BAIAP2L2: variants seen among roughly 807,000 people sequenced by gnomAD.
BAIAP2L2 encodes BAR/IMD domain containing adaptor protein 2 like 2.
BAIAP2L2 carries 65 observed loss-of-function variants against 60.4 expected under a neutral mutation model. That is an observed-to-expected ratio of 1.08 (90% CI 0.88 to 1.32). The LOEUF (loss-of-function observed/expected upper bound fraction) is 1.32. BAIAP2L2 is among the 40% of genes most tolerant of loss of function. The pLI is 0.00. For synonymous variants in BAIAP2L2, 344 were observed against 301.7 expected, an observed-to-expected ratio of 1.14 and a Z score of -1.45; for missense variants, 836 against 741.2, an observed-to-expected ratio of 1.13 and a Z score of -1.48.
rs767211106 is a variant in BAIAP2L2, at chr22:38,087,218, G to GC, written c.1164dup (p.Pro389AlafsTer44). ...GTCACGGGGGTCATGGGATTCACGG[G>GC]CCCCTCCTCCAGAGCCTTCACGTAC... is the stretch of plus-strand genomic sequence containing the variant. On this transcript the variant is annotated frameshift_variant, in exon 11 of 14. Transcript: ENST00000381669. LOFTEE classifies it high-confidence loss of function. 1 of 1,605,694 alleles carries GC rather than the reference G, an allele frequency of 6.2e-7. No homozygotes were observed. Among genetic ancestry groups the GC allele is most frequent in the East Asian group, 2.3e-5 (1 of 44,060 alleles).
chr22:38,109,345 A>C (rs1004796024), intron 1 of BAIAP2L2, 137 bp from the exon 2 acceptor site: 2 of 679,850 alleles, frequency 2.9e-6, no homozygotes, highest in Non-Finnish European at 5.1e-6. Flanking sequence ...TGGGGGGCCC[A>C]TCTACAAACC....
chr22:38,097,413 T>C (rs763103977), intron 6 of BAIAP2L2, among the ~76,000 whole-genome samples: 2 of 152,220 alleles, frequency 1.3e-5, no homozygotes, highest in Admixed American at 1.3e-4. Context: ...GCAGGGCTGC[T>C]GTCTGAGCCT....
chr22:38,097,625 A>G (rs2086468122), intron 6 of BAIAP2L2, among the ~76,000 whole-genome samples: 1 of 152,170 alleles, frequency 6.6e-6, no homozygotes, highest in East Asian at 1.9e-4. Context: ...TGGATCTTGG[A>G]GACAGAGGCC....
At chr22:38,110,730 C>T (rs543079911), upstream of BAIAP2L2, 28 of 551,122 alleles carry the variant, frequency 5.1e-5, no homozygotes, top group South Asian at 1.4e-4. Context: ...TGATCTGGGG[C>T]GTAACCAGAT....
chr22:38,109,083 G>GGGGGGGGGGGGGGGGGGGGGGGGGA, intron 2 of BAIAP2L2, 50 bp downstream of exon 2: 1 of 1,209,622 alleles, frequency 8.3e-7, no homozygotes, highest in East Asian at 4.8e-5. Context: ...GGGTGGGTGG[G>GGGGGGGGGGGGGGGGGGGGGGGGGA]AACAGCAGAG....
chr22:38,087,900 C>CA (rs1555962605), intron 10 of BAIAP2L2, among the ~76,000 whole-genome samples: 36 of 151,472 alleles, frequency 2.4e-4, no homozygotes, highest in Non-Finnish European at 5.0e-4. Context: ...ACCCCCCCCC[C>CA]GCCATTTAAG....
rs2086667562 is a variant in BAIAP2L2 at position 38,106,522 on chromosome 22, A to G, written c.276+1330T>C. ...ACGACAGAGCAAGACTCCGTCTCAA[A>G]AAAATTAAAAAAAAAAAAAAAAAAA... On this transcript the variant is annotated intron_variant, in intron 4 of 13. Transcript: ENST00000381669. Among the ~76,000 whole-genome samples the G allele has an allele frequency of 2.4e-5, 3 of 122,618 alleles. No individual in the cohort carries two copies. The South Asian group carries it at 1.1e-3, about 43-fold the overall frequency. 80.4% of individuals were successfully genotyped at this position (122,618 alleles called of 152,430 possible).
chr22:38,106,538 A>G (rs2086668490), intron 4 of BAIAP2L2, among the ~76,000 whole-genome samples: 1 of 151,420 alleles, frequency 6.6e-6, no homozygotes, highest in African/African-American at 2.4e-5. Flanking sequence ...TAAAAAAAAA[A>G]AAAAAAAAAA....
rs112009033 is a variant in BAIAP2L2 at position 38,107,458 on chromosome 22, C to T, written c.276+394G>A. Reference sequence around the variant, plus strand: ...ACTGAGAAGCCTGTGTTCAGTTCTACGGGCAGTGGGGCCGTGGAACGGTTC... The same window carrying T: ...ACTGAGAAGCCTGTGTTCAGTTCTATGGGCAGTGGGGCCGTGGAACGGTTC... On this transcript the variant is annotated intron_variant, in intron 4 of 13. Transcript: ENST00000381669. Among the ~76,000 whole-genome samples, 561 of 152,190 alleles carry T rather than the reference C, an allele frequency of 3.7e-3. 1 individual carries two copies. The highest frequency in any genetic ancestry group is 0.012 in the African/African-American group (515 of 41,506).
At chr22:38,092,480 T>A (rs1028476260) in intron 7 of BAIAP2L2, among the ~76,000 whole-genome samples, 1 of 152,144 alleles carries the variant, frequency 6.6e-6, no homozygotes, top group Non-Finnish European at 1.5e-5. Context: ...TTTCACCATG[T>A]TGGCCAGGCT....
chr22:38,100,622 G>C (rs1403847507), intron 4 of BAIAP2L2, among the ~76,000 whole-genome samples: 1 of 152,086 alleles, frequency 6.6e-6, no homozygotes, highest in Non-Finnish European at 1.5e-5. Context: ...GCCATGTGAC[G>C]CACCTGTTAC....
chr22:38,086,316 T>TG lies in BAIAP2L2; in HGVS notation c.1392dup (p.Ser465GlnfsTer23), dbSNP rs1178009530. ...CTGGGCAAGGGTGGAGGTGCAGGGC[T>TG]GGGGGCACGGCTTGGCACCCGGCTT... On this transcript the variant is annotated frameshift_variant, in exon 12 of 14. Transcript: ENST00000381669. LOFTEE classifies it high-confidence loss of function. The TG allele has an allele frequency of 6.2e-7, 1 of 1,606,894 alleles. No individual in the cohort carries two copies.
intron 4 of BAIAP2L2, among the ~76,000 whole-genome samples, chr22:38,103,573 CT>C (rs534998798): frequency 7.4e-4 from 113 of 152,266 alleles, no homozygotes; most frequent in African/African-American, 2.5e-3. Context: ...ATTAAAGAGG[CT>C]TCCAATGGCC....
At chr22:38,098,840 C>A (rs2086504507) in intron 4 of BAIAP2L2, among the ~76,000 whole-genome samples, 1 of 152,192 alleles carries the variant, frequency 6.6e-6, no homozygotes, top group South Asian at 2.1e-4. Context: ...TCCTGACTTT[C>A]CCAAGCAGAA....
At chr22:38,086,534 A>T in intron 11 of BAIAP2L2, 85 bp from the exon 12 acceptor site, 1 of 1,087,152 alleles carries the variant, frequency 9.2e-7, no homozygotes, top group Non-Finnish European at 1.3e-6. Context: ...CACCTTAGGC[A>T]GGAGGCATCC....
chr22:38,107,749 G>T (rs2086693787), intron 4 of BAIAP2L2, 103 bp downstream of exon 4: 5 of 1,134,426 alleles, frequency 4.4e-6, no homozygotes, highest in Non-Finnish European at 6.6e-6. Context: ...GGCAGCCACG[G>T]TCATCCTCCC....
chr22:38,088,610 G>C (rs923819939), intron 10 of BAIAP2L2, 138 bp downstream of exon 10: 1 of 817,814 alleles, frequency 1.2e-6, no homozygotes, highest in African/African-American at 1.8e-5. Context: ...GGCAGGGTGC[G>C]GGGGTCGGGA....
In BAIAP2L2 at chr22:38,109,144, C is replaced by G; in HGVS notation, c.116G>C (p.Arg39Pro). 1 of 1,612,480 alleles carries G rather than the reference C, an allele frequency of 6.2e-7. No homozygotes were observed. The highest frequency in any genetic ancestry group is 8.5e-7 in the Non-Finnish European group (1 of 1,179,366). ...GGGCAGGCACTCACCGTGGAAGGCA[C>G]GCAGGTAGTTGTTGCCCAGGTACAC... is the stretch of plus-strand genomic sequence containing the variant. ...NLVYLGNNYL[R>P]AFHALSEAAE... is the part of the protein sequence containing the mutation. Residue 39 changes from arginine to proline, a missense_variant, in exon 2 of 14, where the codon CGT becomes CCT. By Grantham distance (103) the Arg-to-Pro change is moderately radical (BLOSUM62 -2). Coordinates refer to ENST00000381669, the MANE Select transcript of BAIAP2L2 (RefSeq NM_025045.6).
chr22:38,086,543 C>G (rs922703014), intron 11 of BAIAP2L2, 94 bp from the exon 12 acceptor site: 1 of 919,248 alleles, frequency 1.1e-6, no homozygotes. Flanking sequence ...CAGGAGGCAT[C>G]CGACAGCTTC....
Sources: allele counts gnomAD v4.1 joint callset (sites outside exome capture counted in the v4.1 genomes callset), GRCh38; gene constraint gnomAD v4.1.1; transcripts MANE v1.5; gene names NCBI Gene and HGNC (gene_info 2026-07-23, HGNC 2026-07-21).